The following SEMA4B variants were observed in gnomAD, a reference collection of about 807,000 sequenced individuals.
The protein encoded by SEMA4B is semaphorin 4B, also known as semaphorin-4B.
Under a neutral mutation model 88.1 loss-of-function variants are expected in SEMA4B, and 55 were observed. That is an observed-to-expected ratio of 0.62 (90% CI 0.50 to 0.78). The LOEUF is 0.78. Among genes scored for constraint, SEMA4B ranks in the 30% least tolerant of loss-of-function variants. The probability of loss-of-function intolerance (pLI) is 0.00; values close to 1 mark genes in which losing one functional copy is unlikely to be tolerated. For synonymous variants in SEMA4B, 525 were observed against 473.6 expected (o/e 1.11, Z -1.41); for missense variants, 1,062 against 1,111.9 (o/e 0.96, Z 0.64).
At chr15:90,198,361 C>T (rs1270590234), upstream of SEMA4B, among the ~76,000 whole-genome samples, 1 of 152,164 alleles carries the variant, frequency 6.6e-6, no homozygotes, top group Non-Finnish European at 1.5e-5. Context: ...TACCATGTGC[C>T]AAGCACTATT....
At chr15:90,226,663 A>G (rs1229642461) in intron 12 of SEMA4B, among the ~76,000 whole-genome samples, 1 of 152,216 alleles carries the variant, frequency 6.6e-6, no homozygotes, top group Non-Finnish European at 1.5e-5. Context: ...ATTTTATATA[A>G]CATTGGCAAC....
chr15:90,201,226 A>AGCTGCCGCCCCTCGC (rs1343217749), upstream of SEMA4B: 164 of 796,036 alleles, frequency 2.1e-4, no homozygotes, highest in African/African-American at 2.8e-3. Flanking sequence ...CAGCGCCCCG[A>AGCTGCCGCCCCTCGC]GCTGCCGCCC....
At chr15:90,213,943 T>C (rs368036620) in intron 1 of SEMA4B, among the ~76,000 whole-genome samples, 15 of 152,358 alleles carry the variant, frequency 9.8e-5, no homozygotes, top group African/African-American at 2.9e-4. Flanking sequence ...CAGAAGGGCC[T>C]ACTTGAGGGC....
At chr15:90,219,703 C>G (rs561005384) in intron 3 of SEMA4B, 90 bp from the exon 4 acceptor site, 1 of 965,798 alleles carries the variant, frequency 1.0e-6, no homozygotes, top group Non-Finnish European at 1.6e-6. Flanking sequence ...GAGCAGAGGC[C>G]GGGCCTGGGT....
chr15:90,228,214 A>G lies in SEMA4B; in HGVS notation c.2085A>G (p.Thr695=), dbSNP rs112494300. 4.3e-3 allele frequency: 6,877 copies of G among 1,608,444 alleles called. 284 individuals are homozygous for G. In the African/African-American group the frequency reaches 0.081, roughly 19 times the overall value. The change falls in exon 14 of 14, where the codon ACA becomes ACG. Residue 695 remains threonine, a synonymous_variant. Coordinates refer to ENST00000411539, the MANE Select transcript of SEMA4B (RefSeq NM_198925.4). ...EGGSVPVIIS[T]SRVSAPAGGK... is the part of the protein sequence containing the mutation. ...GCAGTGTACCCGTCATTATCAGCAC[A>G]TCGCGTGTGAGTGCACCAGCTGGTG...
At chr15:90,213,444 T>C (rs1283220150) in intron 1 of SEMA4B, among the ~76,000 whole-genome samples, 1 of 152,266 alleles carries the variant, frequency 6.6e-6, no homozygotes, top group Non-Finnish European at 1.5e-5. Context: ...CTTTGTCGTT[T>C]CATTCACTCT....
chr15:90,208,341 T>G (rs953882489), intron 1 of SEMA4B, among the ~76,000 whole-genome samples: 1 of 152,212 alleles, frequency 6.6e-6, no homozygotes, highest in Non-Finnish European at 1.5e-5. Flanking sequence ...GTTTCCAGCT[T>G]TTCTGAAGGT....
At position 90,228,822 on chromosome 15, in the gene SEMA4B, C is replaced by G. The variant is rs1223069951; in HGVS notation, c.*179C>G. 6.2e-6 allele frequency: 5 copies of G among 809,262 alleles called. No individual in the cohort carries two copies. Among genetic ancestry groups the G allele is most frequent in the Non-Finnish European group, 9.5e-6 (5 of 528,616 alleles). 50.1% of individuals were successfully genotyped at this position (809,262 alleles called of 1,614,324 possible). ...GTCAAGTAGCGAAGCTCCTACCACC[C>G]AGACACCCAAACAGCCGTGGCCCCA... On this transcript the variant is annotated 3_prime_UTR_variant, in exon 14 of 14. Coordinates refer to ENST00000411539, the MANE Select transcript of SEMA4B (RefSeq NM_198925.4).
intron 1 of SEMA4B, among the ~76,000 whole-genome samples, chr15:90,185,417 C>A (rs927501170): frequency 6.6e-6 from 1 of 152,248 alleles, no homozygotes; most frequent in Non-Finnish European, 1.5e-5. Context: ...AGGCCTGGGC[C>A]CCTGCGGAAT....
chr15:90,203,687 C>T (rs1291694325), intron 1 of SEMA4B, among the ~76,000 whole-genome samples: 3 of 152,198 alleles, frequency 2.0e-5, no homozygotes, highest in Admixed American at 6.5e-5. Context: ...TCAGGGCTGC[C>T]GTAGGTGGGC....
At chr15:90,220,241 T>G in intron 4 of SEMA4B, 2 of 208,362 alleles carry the variant, frequency 9.6e-6, no homozygotes, top group Non-Finnish European at 1.9e-5. Flanking sequence ...CACACACCCC[T>G]AGCAGAGGGT....
rs1010605444 is a variant in SEMA4B at position 90,201,335 on chromosome 15, C to T, written c.-244C>T. On this transcript the variant is annotated 5_prime_UTR_variant, in exon 1 of 14. Transcript: ENST00000411539. ...CTTCAGCCCCGCCCTCCGCCGCTTG[C>T]GGGTGAGCTCTGCCCAAGCCGAGGC... is the stretch of plus-strand genomic sequence containing the variant. The T allele has an allele frequency of 3.3e-6, 4 of 1,196,916 alleles. No individual in the cohort carries two copies. Among genetic ancestry groups the T allele is most frequent in the African/African-American group, 3.2e-5 (2 of 63,100 alleles). 74.1% of individuals were successfully genotyped at this position (1,196,916 alleles called of 1,614,324 possible).
Position 90,229,091 on chromosome 15 carries a change from CAT to C in SEMA4B, c.*449_*450del. The C allele has an allele frequency of 2.8e-6, 1 of 355,516 alleles. No individual in the cohort carries two copies. Among genetic ancestry groups the C allele is most frequent in the Non-Finnish European group, 5.6e-6 (1 of 179,714 alleles). 22.0% of individuals were successfully genotyped at this position (355,516 alleles called of 1,614,324 possible). A position where few individuals can be genotyped will look rare whatever the true frequency, so the allele number is the denominator to read the frequency against. ...CACCAACTGGCCTCTTCACCTTCCA[CAT>C]TATCCCGCTGCCACCGGCTGCCCTG... is the stretch of plus-strand genomic sequence containing the variant. On this transcript the variant is annotated 3_prime_UTR_variant, in exon 14 of 14. Coordinates refer to ENST00000411539, the MANE Select transcript of SEMA4B (RefSeq NM_198925.4).
Position 90,228,554 on chromosome 15 carries a change from AG to A in SEMA4B, c.2426del (p.Ser809ThrfsTer32). On this transcript the variant is annotated frameshift_variant, in exon 14 of 14. Coordinates refer to ENST00000411539, the MANE Select transcript of SEMA4B (RefSeq NM_198925.4). LOFTEE classifies it high-confidence loss of function. ...CACTGAGTCAGAGAAGAGGCCACTCAGCATCCAAGACAGCTTCGTGGAGGTA... is the reference window on the plus strand; with the variant it reads ...CACTGAGTCAGAGAAGAGGCCACTCACATCCAAGACAGCTTCGTGGAGGTA... ...VFTESEKRPLSIQDSFVEVSP... is the reference protein window; with the variant it reads ...VFTESEKRPLXIQDSFVEVSP... 6.2e-7 allele frequency: 1 copy of A among 1,613,116 alleles called. No individual in the cohort carries two copies. The highest frequency in any genetic ancestry group is 1.1e-5 in the South Asian group (1 of 91,050).
intron 1 of SEMA4B, among the ~76,000 whole-genome samples, chr15:90,208,057 C>T (rs185505155): frequency 5.3e-5 from 8 of 152,222 alleles, no homozygotes; most frequent in Admixed American, 4.6e-4. Flanking sequence ...GTTTCGAGAC[C>T]AGCCTGGCCA....
chr15:90,195,518 C>G (rs186624133), intron 1 of SEMA4B, among the ~76,000 whole-genome samples: 29 of 152,322 alleles, frequency 1.9e-4, no homozygotes, highest in African/African-American at 6.7e-4. Context: ...ACTACTCATG[C>G]TGGATGGGTC....
intron 4 of SEMA4B, chr15:90,220,243 G>T: frequency 4.7e-6 from 1 of 210,884 alleles, no homozygotes; most frequent in Non-Finnish European, 9.4e-6. Flanking sequence ...CACACCCCTA[G>T]CAGAGGGTGG....
At chr15:90,211,258 G>A (rs1961253356) in intron 1 of SEMA4B, among the ~76,000 whole-genome samples, 2 of 152,176 alleles carry the variant, frequency 1.3e-5, no homozygotes, top group African/African-American at 2.4e-5. Context: ...GCCCTAGGTC[G>A]GGACTGGGAC....
At chr15:90,215,176 A>G (rs995058548) in intron 1 of SEMA4B, among the ~76,000 whole-genome samples, 10 of 150,584 alleles carry the variant, frequency 6.6e-5, no homozygotes, top group Admixed American at 5.9e-4. Flanking sequence ...CCCTTTAGTT[A>G]CCCAAAGCAT....
Sources: gnomAD v4.1 joint callset for allele counts (sites outside exome capture counted in the v4.1 genomes callset) on GRCh38, gnomAD v4.1.1 for gene constraint, MANE v1.5 for transcripts, NCBI Gene and HGNC (gene_info 2026-07-23, HGNC 2026-07-21) for gene names.